Variants in STOX2 observed in about 807,000 individuals in gnomAD.
STOX2 encodes storkhead box 2.
STOX2 carries 28 observed loss-of-function variants against 60.9 expected under a neutral mutation model. The observed-to-expected ratio is 0.46, with a 90% CI of 0.34 to 0.63. The LOEUF is 0.63. Ranked by LOEUF, STOX2 falls within the 30% of genes least tolerant of loss-of-function variation. The pLI is 0.01. For missense variants in STOX2, 1,024 were observed against 1,187.7 expected (o/e 0.86, Z 2.03); for synonymous variants, 472 against 463.9 (o/e 1.02, Z -0.22).
rs1560948546 is a variant in STOX2, at chr4:184,017,073, C to G, written c.2586-16C>G. 1 of 1,578,482 alleles carries G rather than the reference C, an allele frequency of 6.3e-7. No homozygotes were observed. The highest frequency in any genetic ancestry group is 8.6e-7 in the Non-Finnish European group (1 of 1,164,000). On this transcript the variant is annotated splice_polypyrimidine_tract_variant and intron_variant, in intron 3 of 3. Coordinates refer to ENST00000308497, the MANE Select transcript of STOX2 (RefSeq NM_020225.3). ...TGTTCCAAACAAAACAAAACAAACC[C>G]TTTTTGCTCTTTTAGTACTCGGGAG...
chr4:183,892,569 C>T (rs576851452), intron 1 of STOX2, among the ~76,000 whole-genome samples: 1 of 152,346 alleles, frequency 6.6e-6, no homozygotes, highest in South Asian at 2.1e-4. Flanking sequence ...CGTGAGCCAC[C>T]GCGCCCGGCC....
chr4:183,816,290 T>C (rs748928333), intron 1 of STOX2, among the ~76,000 whole-genome samples: 1 of 152,208 alleles, frequency 6.6e-6, no homozygotes, highest in Non-Finnish European at 1.5e-5. Context: ...AACAGTGGAT[T>C]AGATAAAGCA....
Position 184,009,166 on chromosome 4 carries a change from A to G in STOX2, c.328A>G (p.Thr110Ala), listed in dbSNP as rs748703662. 1.5e-6 allele frequency: 2 copies of G among 1,362,344 alleles called. No individual in the cohort carries two copies. Among genetic ancestry groups the G allele is most frequent in the Non-Finnish European group, 2.0e-6 (2 of 1,011,238 alleles). The allele number at this position is 1,362,344 out of a possible 1,614,324, so 84.4% of individuals were successfully genotyped here. The change falls in exon 3 of 4, where the codon ACG becomes GCG. Residue 110 changes from threonine to alanine, a missense_variant. Around this residue, in one of 3 missense-constraint regions of STOX2, gnomAD observed 922 missense variants for 1,058.3 expected, o/e 0.87. Transcript: ENST00000308497. The surrounding 1 kb of genome is among the most constrained non-coding windows in gnomAD (Gnocchi z 4.0). ...HLTTCFPGVP[T>A]PSQEILRHTL... Reference sequence around the variant, plus strand: ...TTTTTTTTTTTTTTCAGGTGTTCCAACGCCAAGCCAAGAAATTCTGCGGCA... The same window carrying G: ...TTTTTTTTTTTTTTCAGGTGTTCCAGCGCCAAGCCAAGAAATTCTGCGGCA...
intron 1 of STOX2, among the ~76,000 whole-genome samples, chr4:183,934,042 G>C (rs1291534160): frequency 6.6e-6 from 1 of 152,154 alleles, no homozygotes; most frequent in African/African-American, 2.4e-5. Flanking sequence ...GGTGGCTCAT[G>C]CCTGTGATCC....
intron 1 of STOX2, among the ~76,000 whole-genome samples, chr4:183,846,407 T>A (rs942752421): frequency 5.3e-5 from 8 of 152,196 alleles, no homozygotes; most frequent in African/African-American, 1.9e-4. Context: ...CACGTTGGTG[T>A]GCTTGATGGT....
At chr4:183,857,873 CT>C (rs1293779312) in intron 1 of STOX2, among the ~76,000 whole-genome samples, 1 of 152,184 alleles carries the variant, frequency 6.6e-6, no homozygotes, top group African/African-American at 2.4e-5. Flanking sequence ...GCCCATCCCC[CT>C]GTTCTCTCCC....
chr4:183,874,075 G>T (rs1406522892), intron 1 of STOX2, among the ~76,000 whole-genome samples: 1 of 152,188 alleles, frequency 6.6e-6, no homozygotes, highest in Non-Finnish European at 1.5e-5. Flanking sequence ...GTGGCGAGCG[G>T]ACAATCATTC....
intron 1 of STOX2, among the ~76,000 whole-genome samples, chr4:183,985,152 G>A (rs1201576766): frequency 6.6e-6 from 1 of 152,184 alleles, no homozygotes; most frequent in Non-Finnish European, 1.5e-5. Context: ...CCCCACTTGT[G>A]ACCTTGACCT....
chr4:183,851,357 G>GGATGAGGGAAAGGATGAGAGAAAC (rs1560845697), intron 1 of STOX2, among the ~76,000 whole-genome samples: 2 of 34,724 alleles, frequency 5.8e-5, no homozygotes, highest in African/African-American at 1.8e-4. Context: ...ATGAGAGAAA[G>GGATGAGGGAAAGGATGAGAGAAAC]GATGAGGGAA....
At position 183,825,924 on chromosome 4, in the gene STOX2, G is replaced by C. The variant is rs1298888950; in HGVS notation, c.364+27869G>C. ...GAAGGCGCGAGAAGGGTCGTTGGCT[G>C]TGAGCTGAAAATCGACACCATTTGC... is the stretch of plus-strand genomic sequence containing the variant. On this transcript the variant is annotated intron_variant, in intron 1 of 2. Transcript: ENST00000513034. The surrounding 1 kb of genome is among the most constrained non-coding windows in gnomAD (Gnocchi z 4.1). Among the ~76,000 whole-genome samples the C allele has an allele frequency of 6.6e-6, 1 of 152,170 alleles. No individual in the cohort carries two copies. The highest frequency in any genetic ancestry group is 1.5e-5 in the Non-Finnish European group (1 of 68,020).
chr4:183,957,148 T>TATAGTAATAATA, intron 1 of STOX2, among the ~76,000 whole-genome samples: 1 of 142,762 alleles, frequency 7.0e-6, no homozygotes, highest in South Asian at 2.3e-4. Flanking sequence ...AAACTTAAAG[T>TATAGTAATAATA]ATAATAATAA....
intron 1 of STOX2, among the ~76,000 whole-genome samples, chr4:183,924,469 G>A (rs533610674): frequency 2.0e-5 from 3 of 152,108 alleles, no homozygotes; most frequent in African/African-American, 7.2e-5. Flanking sequence ...GAGACAGGAG[G>A]AGTCCCCCAG....
At chr4:184,006,180 G>A (rs76730803) in intron 2 of STOX2, among the ~76,000 whole-genome samples, 2,099 of 152,168 alleles carry the variant, frequency 0.014, 33 homozygotes, top group Middle Eastern at 0.048. Flanking sequence ...TTTTTATGAC[G>A]TATACATCAG....
At chr4:183,927,353 A>G (rs529072014) in intron 1 of STOX2, among the ~76,000 whole-genome samples, 6 of 152,228 alleles carry the variant, frequency 3.9e-5, no homozygotes, top group East Asian at 1.9e-4. Context: ...GCCTTCATCA[A>G]TGTAAAACCT....
intron 1 of STOX2, among the ~76,000 whole-genome samples, chr4:183,949,243 A>G (rs1342878321): frequency 6.6e-6 from 1 of 152,240 alleles, no homozygotes; most frequent in Non-Finnish European, 1.5e-5. Flanking sequence ...GTAAACACTC[A>G]GGAGCCAAAT....
At position 183,995,719 on chromosome 4, in the gene STOX2, C is replaced by T. The variant is rs1296822604; in HGVS notation, c.167-5606C>T. Among the ~76,000 whole-genome samples the T allele has an allele frequency of 2.3e-4, 35 of 152,212 alleles. 1 individual carries two copies. The highest frequency in any genetic ancestry group is 2.3e-3 in the Admixed American group (35 of 15,280). On this transcript the variant is annotated intron_variant, in intron 1 of 3. Coordinates refer to ENST00000308497, the MANE Select transcript of STOX2 (RefSeq NM_020225.3). Reference sequence around the variant, plus strand: ...TGATTTGTCTGTATGAAAACAGGGGCAGTGCCTCGTCACCGTCAAGAATAA... The same window carrying T: ...TGATTTGTCTGTATGAAAACAGGGGTAGTGCCTCGTCACCGTCAAGAATAA...
chr4:183,904,387 G>T (rs1449965625), upstream of STOX2, among the ~76,000 whole-genome samples: 1 of 152,182 alleles, frequency 6.6e-6, no homozygotes, highest in Non-Finnish European at 1.5e-5. Flanking sequence ...AACTTCTAAA[G>T]CTGTAATCTT....
chr4:183,876,724 G>A (rs1050306157), intron 1 of STOX2, among the ~76,000 whole-genome samples: 2 of 152,212 alleles, frequency 1.3e-5, no homozygotes, highest in African/African-American at 4.8e-5. Context: ...CCTGAGCCAA[G>A]TCGTTCACGG....
chr4:183,902,823 C>A (rs1741491689), upstream of STOX2, among the ~76,000 whole-genome samples: 1 of 152,174 alleles, frequency 6.6e-6, no homozygotes, highest in African/African-American at 2.4e-5. Flanking sequence ...GCCATCTGAT[C>A]CGATTCAGCT....
Sources: allele counts gnomAD v4.1 joint callset (sites outside exome capture counted in the v4.1 genomes callset), GRCh38; gene constraint gnomAD v4.1.1; regional missense constraint gnomAD v4.1.1; non-coding constraint Gnocchi (gnomAD v3.1); transcripts MANE v1.5; gene names NCBI Gene and HGNC (gene_info 2026-07-23, HGNC 2026-07-21).